Variants in SLC1A1 observed in about 807,000 individuals in gnomAD.
The protein encoded by SLC1A1 is solute carrier family 1 member 1, also known as excitatory amino acid transporter 3.
SLC1A1 carries 43 observed loss-of-function variants against 53.3 expected under a neutral mutation model. The observed-to-expected ratio is 0.81, with a 90% CI of 0.63 to 1.04. SLC1A1 has a LOEUF of 1.04. SLC1A1 is among the 50% of genes least tolerant of loss of function. The probability of loss-of-function intolerance (pLI) is 0.00; values close to 1 mark genes in which losing one functional copy is unlikely to be tolerated. For synonymous variants in SLC1A1, 307 were observed against 243.2 expected, an observed-to-expected ratio of 1.26 and a Z score of -2.44; for missense variants, 748 against 664.9, an observed-to-expected ratio of 1.12 and a Z score of -1.37.
intron 6 of SLC1A1, among the ~76,000 whole-genome samples, chr9:4,569,869 A>T (rs1347236984): frequency 5.9e-5 from 9 of 152,184 alleles, no homozygotes; most frequent in Admixed American, 5.2e-4. Context: ...CCTGCTGGGC[A>T]TTGGGATTAT....
At chr9:4,513,559 TGAG>T (rs1209851090) in intron 1 of SLC1A1, among the ~76,000 whole-genome samples, 4 of 152,090 alleles carry the variant, frequency 2.6e-5, no homozygotes, top group Admixed American at 2.0e-4. Flanking sequence ...CAAGTGCTGA[TGAG>T]GATGTGGAGC....
At chr9:4,543,944 C>G (rs898871998) in intron 1 of SLC1A1, among the ~76,000 whole-genome samples, 1 of 152,028 alleles carries the variant, frequency 6.6e-6, no homozygotes, top group African/African-American at 2.4e-5. Flanking sequence ...TTTCGGAAGT[C>G]GAGGTGGGCA....
chr9:4,513,900 A>T (rs1372737224), intron 1 of SLC1A1, among the ~76,000 whole-genome samples: 1 of 152,184 alleles, frequency 6.6e-6, no homozygotes, highest in Non-Finnish European at 1.5e-5. Context: ...AACTCAGATG[A>T]ATCTTAGAGG....
chr9:4,521,236 A>T (rs923907772), intron 1 of SLC1A1, among the ~76,000 whole-genome samples: 29 of 152,188 alleles, frequency 1.9e-4, no homozygotes, highest in African/African-American at 5.5e-4. Context: ...TTTCAAAAAA[A>T]TTTTTAATTT....
intron 2 of SLC1A1, among the ~76,000 whole-genome samples, 183 bp downstream of exon 2, chr9:4,544,890 T>A (rs748259162): frequency 6.6e-6 from 1 of 152,140 alleles, no homozygotes; most frequent in Admixed American, 6.6e-5. Context: ...GACAACCTCC[T>A]TCACAAGGTG....
chr9:4,541,808 G>A (rs1000207574), intron 1 of SLC1A1, among the ~76,000 whole-genome samples: 41 of 152,232 alleles, frequency 2.7e-4, no homozygotes, highest in Admixed American at 2.0e-4. Context: ...CCTGGCCTGC[G>A]TACTCCCAGA....
intron 2 of SLC1A1, among the ~76,000 whole-genome samples, chr9:4,559,112 C>T (rs1818692000): frequency 6.6e-6 from 1 of 152,170 alleles, no homozygotes; most frequent in Non-Finnish European, 1.5e-5. Flanking sequence ...TTTTGGCCTT[C>T]AATCTCTCTT....
intron 1 of SLC1A1, among the ~76,000 whole-genome samples, chr9:4,536,379 G>A (rs186150075): frequency 0.015 from 2,259 of 152,216 alleles, 22 homozygotes; most frequent in Non-Finnish European, 0.02. Flanking sequence ...AAAAGTGGGC[G>A]AAGGATATGA....
At chr9:4,491,406 C>A (rs576228425) in intron 1 of SLC1A1, among the ~76,000 whole-genome samples, 2 of 152,332 alleles carry the variant, frequency 1.3e-5, no homozygotes, top group Admixed American at 6.5e-5. Context: ...CTGTGGCCCG[C>A]GGGAGGTCAC....
intron 2 of SLC1A1, 124 bp downstream of exon 2, chr9:4,544,831 G>C (rs1332528042): frequency 4.8e-6 from 4 of 841,994 alleles, no homozygotes; most frequent in Non-Finnish European, 7.6e-6. Context: ...TCCTGGCTCA[G>C]AAGGTCTCAG....
At chr9:4,558,570 A>G (rs1488912031) in intron 2 of SLC1A1, among the ~76,000 whole-genome samples, 4 of 152,232 alleles carry the variant, frequency 2.6e-5, no homozygotes, top group African/African-American at 9.6e-5. Context: ...TCTCATTATT[A>G]TCAAGCCTTT....
intron 1 of SLC1A1, among the ~76,000 whole-genome samples, chr9:4,512,622 G>A (rs1821035161): frequency 6.6e-6 from 1 of 152,108 alleles, no homozygotes. Flanking sequence ...ATTTCAATAT[G>A]GTTTTCAAGA....
At chr9:4,524,091 T>C (rs1816178675) in intron 1 of SLC1A1, among the ~76,000 whole-genome samples, 1 of 152,348 alleles carries the variant, frequency 6.6e-6, no homozygotes, top group African/African-American at 2.4e-5. Flanking sequence ...ATTGTATAAA[T>C]TAGGTGATCT....
intron 6 of SLC1A1, among the ~76,000 whole-genome samples, chr9:4,569,577 T>G (rs1205993768): frequency 3.3e-5 from 5 of 152,212 alleles, no homozygotes; most frequent in African/African-American, 9.6e-5. Flanking sequence ...TTCTCTCAAC[T>G]TCACACAGGA....
intron 1 of SLC1A1, among the ~76,000 whole-genome samples, chr9:4,543,919 C>T (rs765404823): frequency 6.6e-6 from 1 of 152,096 alleles, no homozygotes; most frequent in Non-Finnish European, 1.5e-5. Flanking sequence ...TGGTTCACAC[C>T]TGTAATCCCA....
intron 7 of SLC1A1, 140 bp downstream of exon 7, chr9:4,572,528 G>C (rs963600902): frequency 3.7e-6 from 3 of 813,916 alleles, no homozygotes; most frequent in Non-Finnish European, 6.3e-6. Flanking sequence ...AGAGTATTTT[G>C]TGGGGGCTTT....
At position 4,557,715 on chromosome 9, in the gene SLC1A1, C is replaced by G. The variant is rs192110030; in HGVS notation, c.233-3734C>G. On this transcript the variant is annotated intron_variant, in intron 2 of 11. Transcript: ENST00000262352. Reference sequence around the variant, plus strand: ...TTTCCAAGTGCTTGCTAGCCATATGCACTTTGTGGCTACTGCAGGGGACAG... The same window carrying G: ...TTTCCAAGTGCTTGCTAGCCATATGGACTTTGTGGCTACTGCAGGGGACAG... 4.6e-5 allele frequency among the ~76,000 whole-genome samples: 7 copies of G among 152,292 alleles called. No homozygotes were observed. In the East Asian group the frequency reaches 1.3e-3, roughly 29 times the overall value.
At chr9:4,547,969 G>C (rs1164231359) in intron 2 of SLC1A1, among the ~76,000 whole-genome samples, 1 of 152,066 alleles carries the variant, frequency 6.6e-6, no homozygotes, top group Non-Finnish European at 1.5e-5. Flanking sequence ...TTATTAAAAT[G>C]TATATACATT....
At chr9:4,547,594 C>T (rs1367899941) in intron 2 of SLC1A1, among the ~76,000 whole-genome samples, 2 of 152,138 alleles carry the variant, frequency 1.3e-5, no homozygotes, top group African/African-American at 4.8e-5. Flanking sequence ...TTGGAACAAA[C>T]TTTCTGGAGA....
Sources: gnomAD v4.1 joint callset for allele counts (sites outside exome capture counted in the v4.1 genomes callset) on GRCh38, gnomAD v4.1.1 for gene constraint, MANE v1.5 for transcripts, NCBI Gene and HGNC (gene_info 2026-07-23, HGNC 2026-07-21) for gene names.